MDGA2: variants seen among roughly 807,000 people sequenced by gnomAD.
MDGA2 encodes MAM domain containing glycosylphosphatidylinositol anchor 2.
A neutral mutation model predicts 117.8 loss-of-function variants in MDGA2; 40 were observed. The ratio of observed to expected loss-of-function variants is 0.34; its 90% confidence interval spans 0.26 to 0.44. MDGA2 has a LOEUF of 0.44. Among genes scored for constraint, MDGA2 ranks in the 20% least tolerant of loss-of-function variants. MDGA2 has a pLI of 1.00. For missense variants in MDGA2, 1,123 were observed against 1,250.6 expected, an observed-to-expected ratio of 0.90 and a Z score of 1.54; for synonymous variants, 452 against 439.0, an observed-to-expected ratio of 1.03 and a Z score of -0.37.
chr14:47,625,750 G>T (rs1159839754), intron 1 of MDGA2, among the ~76,000 whole-genome samples: 3 of 152,030 alleles, frequency 2.0e-5, no homozygotes, highest in East Asian at 3.8e-4. Context: ...TATTTCTCAG[G>T]ACTAACAAAG....
chr14:47,356,462 T>C (rs1433374349), intron 1 of MDGA2, among the ~76,000 whole-genome samples: 1 of 152,190 alleles, frequency 6.6e-6, no homozygotes, highest in Non-Finnish European at 1.5e-5. Context: ...AGTAAACTTC[T>C]CCCATGTTAT....
At chr14:47,356,998 G>C (rs140006397) in intron 1 of MDGA2, among the ~76,000 whole-genome samples, 1 of 152,100 alleles carries the variant, frequency 6.6e-6, no homozygotes, top group African/African-American at 2.4e-5. Flanking sequence ...AAATCTTAAC[G>C]GAGATTTTAC....
chr14:46,845,818 A>G lies in MDGA2; in HGVS notation c.2937T>C (p.Asp979=). The G allele has an allele frequency of 1.2e-6, 2 of 1,613,612 alleles. No homozygotes were observed. The highest frequency in any genetic ancestry group is 2.2e-5 in the South Asian group (2 of 91,070). The change falls in exon 16 of 17, where the codon GAT becomes GAC. Residue 979 remains aspartate, a synonymous_variant. Coordinates refer to ENST00000399232, the MANE Select transcript of MDGA2 (RefSeq NM_001113498.3). ...ATTCTCCTTCTGCAATTGATACATCATCAATAGCAATGTCACCTTCTATTC... is the reference window on the plus strand; with the variant it reads ...ATTCTCCTTCTGCAATTGATACATCGTCAATAGCAATGTCACCTTCTATTC... ...GPGIEGDIAI[D]DVSIAEGECA...
chr14:47,014,419 A>G (rs969262416), intron 8 of MDGA2, among the ~76,000 whole-genome samples: 4 of 152,202 alleles, frequency 2.6e-5, no homozygotes, highest in African/African-American at 9.6e-5. Flanking sequence ...CTGTCCTGCT[A>G]TGAAAATCCT....
chr14:47,298,747 C>CGAT (rs1320650482), intron 2 of MDGA2, among the ~76,000 whole-genome samples: 1 of 148,318 alleles, frequency 6.7e-6, no homozygotes, highest in Non-Finnish European at 1.5e-5. Flanking sequence ...TGCAGTGGCA[C>CGAT]GATCTCGGCT....
chr14:47,064,996 C>G (rs907222095), intron 6 of MDGA2, among the ~76,000 whole-genome samples: 10 of 151,990 alleles, frequency 6.6e-5, no homozygotes, highest in South Asian at 2.1e-4. Context: ...TCCCTTTCCC[C>G]AAATGCAATT....
intron 2 of MDGA2, among the ~76,000 whole-genome samples, chr14:47,298,902 G>A (rs1334548844): frequency 6.6e-6 from 1 of 151,826 alleles, no homozygotes; most frequent in East Asian, 1.9e-4. Context: ...TAGCCAGGAT[G>A]GTCTCGATCT....
rs772880359 is a variant in MDGA2, at chr14:46,877,610, T to C, written c.2417-101A>G. 52 of 746,264 alleles carry C rather than the reference T, an allele frequency of 7.0e-5. No homozygotes were observed. In the Admixed American group the frequency reaches 1.3e-3, roughly 18 times the overall value. 46.2% of individuals were successfully genotyped at this position (746,264 alleles called of 1,614,324 possible). On this transcript the variant is annotated intron_variant, in intron 11 of 16. Coordinates refer to ENST00000399232, the MANE Select transcript of MDGA2 (RefSeq NM_001113498.3). ...GTCTAATCAGTGTCTCATAGTTCCT[T>C]ACCAAAACTTAATGATCTTTCCCAC... is the stretch of plus-strand genomic sequence containing the variant.
At chr14:46,962,227 A>C (rs1301181167) in intron 8 of MDGA2, among the ~76,000 whole-genome samples, 5 of 152,136 alleles carry the variant, frequency 3.3e-5, no homozygotes, top group African/African-American at 1.2e-4. Context: ...TTTGAGTTAA[A>C]AATCCATATA....
chr14:46,969,933 CATATATATATATAT>C (rs1157465830), intron 8 of MDGA2, among the ~76,000 whole-genome samples: 20 of 15,294 alleles, frequency 1.3e-3, no homozygotes, highest in South Asian at 3.5e-3. Flanking sequence ...TAAAGTATTC[CATATATATATATAT>C]ATATATATAT....
intron 15 of MDGA2, among the ~76,000 whole-genome samples, chr14:46,847,152 C>G (rs892285171): frequency 6.6e-6 from 1 of 151,902 alleles, no homozygotes; most frequent in Non-Finnish European, 1.5e-5. Flanking sequence ...AGGTAGTAAC[C>G]AGAGGCATCA....
At chr14:47,579,222 T>A in intron 1 of MDGA2, among the ~76,000 whole-genome samples, 1 of 152,228 alleles carries the variant, frequency 6.6e-6, no homozygotes, top group African/African-American at 2.4e-5. Flanking sequence ...TAGTAAAGTA[T>A]GACATGATAA....
chr14:46,858,577 G>A (rs1197958331), intron 14 of MDGA2, among the ~76,000 whole-genome samples: 2 of 151,578 alleles, frequency 1.3e-5, no homozygotes, highest in Admixed American at 6.6e-5. Flanking sequence ...ACAGGCGCCT[G>A]TTACCACACC....
intron 1 of MDGA2, among the ~76,000 whole-genome samples, chr14:47,639,561 A>T (rs1202213699): frequency 6.6e-6 from 1 of 152,218 alleles, no homozygotes; most frequent in African/African-American, 2.4e-5. Context: ...CCTGCGCACA[A>T]GTACGTCATA....
In MDGA2 at chr14:46,850,989, T is replaced by C. The variant is rs1350606058; in HGVS notation, c.2883+4035A>G. ...TGCTACATGAGCATGTAATGTCTAC[T>C]AATGAGGACAATATTTTCTAGCTTA... On this transcript the variant is annotated intron_variant, in intron 15 of 16. Transcript: ENST00000399232. Among the ~76,000 whole-genome samples, 3 of 151,902 alleles carry C rather than the reference T, an allele frequency of 2.0e-5. No individual in the cohort carries two copies. In the South Asian group the frequency reaches 6.2e-4, roughly 31 times the overall value.
At chr14:47,118,731 AAAC>A (rs921076570) in intron 5 of MDGA2, among the ~76,000 whole-genome samples, 22 of 152,108 alleles carry the variant, frequency 1.4e-4, no homozygotes, top group Non-Finnish European at 1.8e-4. Flanking sequence ...TTTTTTATAA[AAAC>A]AACAACATCA....
At chr14:47,626,897 G>T (rs1443350861) in intron 1 of MDGA2, among the ~76,000 whole-genome samples, 1 of 152,270 alleles carries the variant, frequency 6.6e-6, no homozygotes, top group Non-Finnish European at 1.5e-5. Flanking sequence ...GCAGGCGCAC[G>T]GCGCTGGACT....
chr14:47,295,193 A>G (rs1889022402), intron 2 of MDGA2, among the ~76,000 whole-genome samples: 1 of 152,216 alleles, frequency 6.6e-6, no homozygotes, highest in Admixed American at 6.5e-5. Flanking sequence ...AAAGAAGAAA[A>G]GCAGAGCTGC....
At chr14:47,338,516 GTA>G (rs1278859088) in intron 1 of MDGA2, among the ~76,000 whole-genome samples, 1 of 151,910 alleles carries the variant, frequency 6.6e-6, no homozygotes, top group African/African-American at 2.4e-5. Context: ...CAATCCAGCT[GTA>G]TGTTTGGAAT....
Sources: allele counts gnomAD v4.1 joint callset (sites outside exome capture counted in the v4.1 genomes callset), GRCh38; gene constraint gnomAD v4.1.1; transcripts MANE v1.5; gene names NCBI Gene and HGNC (gene_info 2026-07-23, HGNC 2026-07-21).